Variants in OTUD7A observed in about 807,000 individuals in gnomAD.
The protein encoded by OTUD7A is OTU deubiquitinase 7A.
A neutral mutation model predicts 65.7 loss-of-function variants in OTUD7A; 12 were observed. The ratio of observed to expected loss-of-function variants is 0.18; its 90% CI spans 0.12 to 0.30. The LOEUF (loss-of-function observed/expected upper bound fraction) is 0.30. OTUD7A is among the 10% of genes least tolerant of loss of function. The pLI is 1.00. For missense variants in OTUD7A, 1,148 were observed against 1,304.8 expected, an observed-to-expected ratio of 0.88 and a Z score of 1.85; for synonymous variants, 641 against 586.3, an observed-to-expected ratio of 1.09 and a Z score of -1.35.
chr15:31,481,168 T>C lies in OTUD7A; in HGVS notation c.*2126A>G, dbSNP rs2041112172. 6.6e-6 allele frequency: 1 copy of C among 151,886 alleles called. No homozygotes were observed. The highest frequency in any genetic ancestry group is 1.5e-5 in the Non-Finnish European group (1 of 68,028). 9.4% of individuals were successfully genotyped at this position (151,886 alleles called of 1,614,324 possible). ...AAATTTCTGGTTGGCTGTTTTTACA[T>C]TAAGAAATGAAAAAAACAAGCAAGA... On this transcript the variant is annotated 3_prime_UTR_variant, in exon 13 of 13. Transcript: ENST00000307050.
chr15:31,755,639 G>A (rs1445956253), intron 1 of OTUD7A, among the ~76,000 whole-genome samples: 1 of 151,938 alleles, frequency 6.6e-6, no homozygotes, highest in South Asian at 2.1e-4. Context: ...GGAGAATGGT[G>A]TGAACCCAGG....
intron 8 of OTUD7A, among the ~76,000 whole-genome samples, chr15:31,508,683 C>T (rs890065320): frequency 3.3e-5 from 5 of 152,202 alleles, no homozygotes; most frequent in African/African-American, 9.7e-5. Context: ...TGCTGATGTA[C>T]TAGAAATTTT....
chr15:31,521,246 A>G (rs2041933563), intron 8 of OTUD7A, among the ~76,000 whole-genome samples: 1 of 152,184 alleles, frequency 6.6e-6, no homozygotes, highest in Non-Finnish European at 1.5e-5. Context: ...AGAAACCTGC[A>G]CTTGTATCCC....
chr15:31,597,989 T>A (rs1889957208), intron 3 of OTUD7A, among the ~76,000 whole-genome samples: 1 of 151,886 alleles, frequency 6.6e-6, no homozygotes, highest in African/African-American at 2.4e-5. Flanking sequence ...GTGTTTCCAG[T>A]CCCCTGTGGC....
intron 1 of OTUD7A, among the ~76,000 whole-genome samples, chr15:31,785,547 C>T (rs1337751422): frequency 6.6e-6 from 1 of 152,252 alleles, no homozygotes; most frequent in Non-Finnish European, 1.5e-5. Flanking sequence ...ACAAGGGCAA[C>T]ACCTATTATC....
intron 1 of OTUD7A, among the ~76,000 whole-genome samples, chr15:31,765,294 A>T (rs918110438): frequency 2.1e-4 from 32 of 152,302 alleles, no homozygotes; most frequent in African/African-American, 6.5e-4. Context: ...AACATTTGGC[A>T]GCTGAGAATT....
chr15:31,722,806 T>C (rs1893776836), intron 1 of OTUD7A, among the ~76,000 whole-genome samples: 1 of 152,192 alleles, frequency 6.6e-6, no homozygotes, highest in Admixed American at 6.5e-5. Context: ...GCCTAGACAA[T>C]ATAAGATTAC....
chr15:31,570,900 T>C (rs112712878), intron 3 of OTUD7A, among the ~76,000 whole-genome samples: 171 of 152,284 alleles, frequency 1.1e-3, no homozygotes, highest in African/African-American at 3.9e-3. Context: ...TGAGAGTCAG[T>C]GGGCTTGTAA....
chr15:31,622,715 T>A (rs538626251), intron 3 of OTUD7A, among the ~76,000 whole-genome samples: 1 of 152,326 alleles, frequency 6.6e-6, no homozygotes, highest in South Asian at 2.1e-4. Flanking sequence ...TCTAACTTCC[T>A]CCTTTAGCTC....
In OTUD7A at chr15:31,805,452, G is replaced by A. The variant is rs140558975; in HGVS notation, c.-100+65055C>T. Among the ~76,000 whole-genome samples, 11 of 152,292 alleles carry A rather than the reference G, an allele frequency of 7.2e-5. No homozygotes were observed. The East Asian group carries it at 1.2e-3, about 16-fold the overall frequency. ...GCCCTGTATGCAGGAAGGGCCTGAC[G>A]CGTGAACCCTCTCTTCTATCCACCC... On this transcript the variant is annotated intron_variant, in intron 1 of 12. Coordinates refer to ENST00000307050, the MANE Select transcript of OTUD7A (RefSeq NM_001382637.1).
At position 31,579,415 on chromosome 15, in the gene OTUD7A, TG is replaced by T. The variant is rs370719552; in HGVS notation, c.152-9219del. Among the ~76,000 whole-genome samples the T allele has an allele frequency of 2.2e-3, 331 of 152,314 alleles. 3 individuals carry two copies. Among genetic ancestry groups the T allele is most frequent in the African/African-American group, 7.3e-3 (305 of 41,578 alleles). On this transcript the variant is annotated intron_variant, in intron 3 of 12. Coordinates refer to ENST00000307050, the MANE Select transcript of OTUD7A (RefSeq NM_001382637.1). ...ACTATTAAGTAAAAGAAGGGTTACT[TG>T]AACACAGGCACTGTGATGCCAGAAT... is the stretch of plus-strand genomic sequence containing the variant.
At chr15:31,527,123 G>C in intron 7 of OTUD7A, 58 bp downstream of exon 7, 1 of 1,605,274 alleles carries the variant, frequency 6.2e-7, no homozygotes, top group Non-Finnish European at 8.5e-7. Flanking sequence ...ACTCGACCAC[G>C]GCCCGAGGCT....
At position 31,655,080 on chromosome 15, in the gene OTUD7A, A is replaced by G. The variant is rs201059455; in HGVS notation, c.151+16T>C. The G allele has an allele frequency of 1.2e-6, 2 of 1,609,388 alleles. No homozygotes were observed. The highest frequency in any genetic ancestry group is 2.7e-5 in the African/African-American group (2 of 74,742). Reference sequence around the variant, plus strand: ...TGCCCAGAATGGTGGTGTGGGGAACAAGGAGGTGGGCTTACCTTCCAGCAG... The same window carrying G: ...TGCCCAGAATGGTGGTGTGGGGAACGAGGAGGTGGGCTTACCTTCCAGCAG... On this transcript the variant is annotated intron_variant, in intron 3 of 12. Coordinates refer to ENST00000307050, the MANE Select transcript of OTUD7A (RefSeq NM_001382637.1).
intron 1 of OTUD7A, among the ~76,000 whole-genome samples, chr15:31,786,794 T>C (rs910640775): frequency 2.0e-5 from 3 of 152,138 alleles, no homozygotes; most frequent in Admixed American, 6.5e-5. Context: ...GGCAGCTATG[T>C]GGCTCAGAGT....
At chr15:31,561,109 C>A (rs1888673076) in intron 4 of OTUD7A, among the ~76,000 whole-genome samples, 2 of 152,242 alleles carry the variant, frequency 1.3e-5, no homozygotes, top group South Asian at 2.1e-4. Flanking sequence ...GATTCACCTT[C>A]AATTTCATTC....
intron 5 of OTUD7A, among the ~76,000 whole-genome samples, chr15:31,543,898 A>G (rs1888056099): frequency 6.6e-6 from 1 of 151,872 alleles, no homozygotes; most frequent in African/African-American, 2.4e-5. Context: ...TAAATGACCA[A>G]ATGGACAAAT....
intron 1 of OTUD7A, among the ~76,000 whole-genome samples, chr15:31,743,242 G>T (rs994929063): frequency 6.6e-6 from 1 of 151,738 alleles, no homozygotes; most frequent in African/African-American, 2.4e-5. Flanking sequence ...AAAATGCTGA[G>T]ATAACACAGA....
chr15:31,607,166 C>T (rs1319434876), intron 3 of OTUD7A, among the ~76,000 whole-genome samples: 2 of 152,122 alleles, frequency 1.3e-5, no homozygotes, highest in Non-Finnish European at 2.9e-5. Context: ...AGTTACTTTC[C>T]CCATTGGGAA....
intron 1 of OTUD7A, among the ~76,000 whole-genome samples, chr15:31,751,700 T>C (rs1223697483): frequency 1.3e-5 from 2 of 152,176 alleles, no homozygotes; most frequent in African/African-American, 4.8e-5. Context: ...AAAGAAAATG[T>C]GTTTCATATA....
Sources: gnomAD v4.1 joint callset for allele counts (sites outside exome capture counted in the v4.1 genomes callset) on GRCh38, gnomAD v4.1.1 for gene constraint, MANE v1.5 for transcripts, NCBI Gene and HGNC (gene_info 2026-07-23, HGNC 2026-07-21) for gene names.